Variants in WDR7 observed in about 807,000 individuals in gnomAD.
The protein encoded by WDR7 is WD repeat domain 7.
WDR7 carries 46 observed loss-of-function variants against 169.4 expected under a neutral mutation model. The observed-to-expected ratio is 0.27, with a 90% CI of 0.21 to 0.35. The LOEUF (loss-of-function observed/expected upper bound fraction) is 0.35. Ranked by LOEUF, WDR7 falls within the 10% of genes least tolerant of loss-of-function variation. The pLI, the probability that WDR7 is intolerant of heterozygous loss-of-function variation, is 1.00. For missense variants in WDR7, 1,534 were observed against 1,859.3 expected, an observed-to-expected ratio of 0.83 and a Z score of 3.22; for synonymous variants, 612 against 666.8, an observed-to-expected ratio of 0.92 and a Z score of 1.27.
chr18:56,764,794 A>C (rs1462876109), intron 16 of WDR7, among the ~76,000 whole-genome samples: 2 of 152,070 alleles, frequency 1.3e-5, no homozygotes, highest in East Asian at 1.9e-4. Flanking sequence ...TTTAGTATAT[A>C]CTTGCTGATT....
intron 21 of WDR7, among the ~76,000 whole-genome samples, chr18:56,883,514 T>C (rs1194960265): frequency 6.6e-6 from 1 of 151,972 alleles, no homozygotes; most frequent in Non-Finnish European, 1.5e-5. Flanking sequence ...TTTGTTTTTT[T>C]TTTTTAAATT....
chr18:56,782,499 A>G (rs897805855), intron 19 of WDR7, among the ~76,000 whole-genome samples: 4 of 152,124 alleles, frequency 2.6e-5, no homozygotes, highest in Admixed American at 6.5e-5. Context: ...ATTGAATTAA[A>G]ATTAAAATTT....
intron 26 of WDR7, among the ~76,000 whole-genome samples, chr18:57,000,358 TAATAAAAAAGGTGTCAATTA>T (rs2145883785): frequency 6.6e-6 from 1 of 152,298 alleles, no homozygotes; most frequent in Admixed American, 6.5e-5. Flanking sequence ...CTGTTTTTCT[TAATAAAAAAGGTGTCAATTA>T]AGCACGATAT....
chr18:56,655,278 G>A (rs2024742178), intron 1 of WDR7, among the ~76,000 whole-genome samples: 1 of 152,166 alleles, frequency 6.6e-6, no homozygotes, highest in Non-Finnish European at 1.5e-5. Flanking sequence ...CCTGTGTATA[G>A]TTCTGTGCCA....
rs1015419366 is a variant in WDR7 at position 56,756,637 on chromosome 18, A to G, written c.2044A>G (p.Asn682Asp). 3 of 1,613,862 alleles carry G rather than the reference A, an allele frequency of 1.9e-6. No homozygotes were observed. Among genetic ancestry groups the G allele is most frequent in the Non-Finnish European group, 8.5e-7 (1 of 1,179,972 alleles). The change falls in exon 15 of 28, where the codon AAC becomes GAC. Residue 682 changes from asparagine (N) to aspartate (D), a missense_variant. Physicochemically the swap from Asn to Asp is conservative, Grantham distance 23. Transcript: ENST00000254442. ...NSLMVQAIKTNLTDPDIHVLF... is the reference protein window; with the variant it reads ...NSLMVQAIKTDLTDPDIHVLF... ...CCTGATGGTTCAAGCAATAAAGACA[A>G]ACCTAACAGACCCGGACATACATGT...
At chr18:56,658,084 A>G (rs2024817959) in intron 1 of WDR7, among the ~76,000 whole-genome samples, 1 of 152,018 alleles carries the variant, frequency 6.6e-6, no homozygotes, top group South Asian at 2.1e-4. Context: ...ACATTTCTGG[A>G]GATATGTGAC....
chr18:56,755,011 A>T (rs1293122713), intron 14 of WDR7, among the ~76,000 whole-genome samples: 3 of 151,960 alleles, frequency 2.0e-5, no homozygotes, highest in Non-Finnish European at 4.4e-5. Flanking sequence ...TTTAACTGTT[A>T]TTTACTTGAC....
At chr18:56,887,516 G>T (rs2046213124) in intron 21 of WDR7, among the ~76,000 whole-genome samples, 1 of 152,168 alleles carries the variant, frequency 6.6e-6, no homozygotes, top group Non-Finnish European at 1.5e-5. Flanking sequence ...CAGAATGAAT[G>T]ATATAGTACC....
At chr18:56,970,478 G>A (rs2047468439) in intron 26 of WDR7, among the ~76,000 whole-genome samples, 1 of 151,908 alleles carries the variant, frequency 6.6e-6, no homozygotes, top group Admixed American at 6.6e-5. Flanking sequence ...TGCCATATTA[G>A]GCTCCTTCTG....
chr18:56,951,022 C>G (rs1234705274), intron 25 of WDR7, among the ~76,000 whole-genome samples: 4 of 152,126 alleles, frequency 2.6e-5, no homozygotes, highest in Non-Finnish European at 5.9e-5. Flanking sequence ...TTATTCCTAC[C>G]TCAGAACTTT....
intron 21 of WDR7, among the ~76,000 whole-genome samples, chr18:56,885,093 C>T (rs1231181327): frequency 1.3e-5 from 2 of 152,138 alleles, no homozygotes; most frequent in Non-Finnish European, 2.9e-5. Context: ...AGGGGGAGAG[C>T]AGTACATCAA....
intron 20 of WDR7, among the ~76,000 whole-genome samples, chr18:56,857,602 CAT>C (rs1316607262): frequency 6.6e-6 from 1 of 152,122 alleles, no homozygotes; most frequent in Non-Finnish European, 1.5e-5. Flanking sequence ...CATATATACA[CAT>C]ATATATTTTG....
chr18:56,939,252 T>C lies in WDR7; in HGVS notation c.3982-59T>C. On this transcript the variant is annotated intron_variant, in intron 24 of 27. Coordinates refer to ENST00000254442, the MANE Select transcript of WDR7 (RefSeq NM_015285.3). ...GCAAATGAGGCCTAAATTAATCATT[T>C]ACATTTTGGAAAATTAAGTATTTGA... The C allele has an allele frequency of 3.0e-6, 4 of 1,316,684 alleles. No homozygotes were observed. The South Asian group carries it at 6.3e-5, about 21-fold the overall frequency. The allele number at this position is 1,316,684 out of a possible 1,614,324, so 81.6% of individuals were successfully genotyped here.
rs2048278861 is a variant in WDR7, at chr18:57,020,822, C to A, written c.4242C>A (p.Asn1414Lys). The change falls in exon 27 of 28, where the codon AAC (asparagine) becomes AAA (lysine). Residue 1414 changes from asparagine (N) to lysine (K), a missense_variant. Physicochemically the swap from Asn to Lys is moderately conservative, Grantham distance 94. Coordinates refer to ENST00000254442, the MANE Select transcript of WDR7 (RefSeq NM_015285.3). Reference sequence around the variant, plus strand: ...GAAGATATCTTGCCACCTACTCAAACACTGACAGCCACATTTCTTTTTGGC... The same window carrying A: ...GAAGATATCTTGCCACCTACTCAAAAACTGACAGCCACATTTCTTTTTGGC... ...PDGRYLATYS[N>K]TDSHISFWQM... 3 of 1,614,080 alleles carry A rather than the reference C, an allele frequency of 1.9e-6. No homozygotes were observed. The highest frequency in any genetic ancestry group is 1.7e-6 in the Non-Finnish European group (2 of 1,180,018).
At chr18:56,663,623 CCACATATATGCACAGCATATATA>C (rs2024953781) in intron 1 of WDR7, among the ~76,000 whole-genome samples, 1 of 89,610 alleles carries the variant, frequency 1.1e-5, no homozygotes, top group Admixed American at 1.2e-4. Flanking sequence ...CATATATACA[CCACATATATGCACAGCATATATA>C]CATATATATA....
Position 56,870,414 on chromosome 18 carries a change from A to G in WDR7, c.3305-9530A>G, listed in dbSNP as rs190087361. Among the ~76,000 whole-genome samples, 9 of 151,806 alleles carry G rather than the reference A, an allele frequency of 5.9e-5. No homozygotes were observed. In the East Asian group the frequency reaches 1.7e-3, roughly 29 times the overall value. On this transcript the variant is annotated intron_variant, in intron 20 of 27. Transcript: ENST00000254442. ...ACTGAGGGCCAACATTTTTCTCATTATAATTCTAAAACATGTTTTAAAAAA... is the reference window on the plus strand; with the variant it reads ...ACTGAGGGCCAACATTTTTCTCATTGTAATTCTAAAACATGTTTTAAAAAA...
At chr18:56,689,349 C>T (rs1568138117) in intron 7 of WDR7, among the ~76,000 whole-genome samples, 1 of 152,212 alleles carries the variant, frequency 6.6e-6, no homozygotes, top group Non-Finnish European at 1.5e-5. Context: ...TAACCTCTGC[C>T]TCTCAGGTTC....
chr18:56,822,033 CCT>C (rs1166151202), intron 20 of WDR7, among the ~76,000 whole-genome samples: 1 of 151,974 alleles, frequency 6.6e-6, no homozygotes, highest in African/African-American at 2.4e-5. Flanking sequence ...CTCACGCTAT[CCT>C]CTCTCCTCAA....
chr18:56,768,530 C>T (rs1263646280), intron 16 of WDR7, among the ~76,000 whole-genome samples: 1 of 152,146 alleles, frequency 6.6e-6, no homozygotes, highest in Non-Finnish European at 1.5e-5. Flanking sequence ...CATGTACTCT[C>T]TTGAGTAGTA....
Sources: allele counts gnomAD v4.1 joint callset (sites outside exome capture counted in the v4.1 genomes callset), GRCh38; gene constraint gnomAD v4.1.1; transcripts MANE v1.5; gene names NCBI Gene and HGNC (gene_info 2026-07-23, HGNC 2026-07-21).